FHAD1: variants seen among roughly 807,000 people sequenced by gnomAD.
The protein encoded by FHAD1 is forkhead-associated domain-containing protein 1.
A neutral mutation model predicts 191.3 loss-of-function variants in FHAD1; 146 were observed. The ratio of observed to expected loss-of-function variants is 0.76; its 90% CI spans 0.67 to 0.88. FHAD1 has a LOEUF of 0.88. Among genes scored for constraint, FHAD1 ranks in the 40% least tolerant of loss-of-function variants. The pLI, the probability that FHAD1 is intolerant of heterozygous loss-of-function variation, is 0.00. For synonymous variants in FHAD1, 616 were observed against 672.3 expected (o/e 0.92, Z 1.29); for missense variants, 1,635 against 1,785.8 (o/e 0.92, Z 1.52).
chr1:15,240,849 C>T (rs545905888), intron 1 of FHAD1, among the ~76,000 whole-genome samples: 2 of 149,944 alleles, frequency 1.3e-5, no homozygotes, highest in South Asian at 4.3e-4. Context: ...CCCAGCTACT[C>T]GGGAGGCTGA....
chr1:15,387,256 A>G (rs1702361906), intron 31 of FHAD1, among the ~76,000 whole-genome samples: 1 of 151,744 alleles, frequency 6.6e-6, no homozygotes, highest in South Asian at 2.1e-4. Flanking sequence ...ATTTCCCAAG[A>G]TTTTCTTGGG....
intron 28 of FHAD1, among the ~76,000 whole-genome samples, chr1:15,377,059 G>A (rs1034489019): frequency 6.6e-6 from 1 of 152,124 alleles, no homozygotes; most frequent in Non-Finnish European, 1.5e-5. Context: ...GCAGTTGAAG[G>A]TGCCTTTTTA....
chr1:15,393,085 T>G (rs1704650921), intron 33 of FHAD1: 1 of 151,036 alleles, frequency 6.6e-6, no homozygotes, highest in Non-Finnish European at 1.5e-5. Flanking sequence ...TTTTTTTTTT[T>G]TTTTTTTGAG....
upstream of FHAD1, among the ~76,000 whole-genome samples, chr1:15,243,095 T>C (rs1289537097): frequency 6.6e-6 from 1 of 152,046 alleles, no homozygotes; most frequent in Non-Finnish European, 1.5e-5. Context: ...CTTTGAAAAA[T>C]GATTTGCAAG....
rs1685618490 is a variant in FHAD1 at position 15,339,413 on chromosome 1, C to T, written c.1907-68C>T. On this transcript the variant is annotated intron_variant, in intron 14 of 33. Coordinates refer to ENST00000688493, the MANE Select transcript of FHAD1 (RefSeq NM_001391957.1). Reference sequence around the variant, plus strand: ...TTTGATGGGATGGCAACGTTGCTTTCATCCACCTGTCTGCAAGCTTTGGAG... The same window carrying T: ...TTTGATGGGATGGCAACGTTGCTTTTATCCACCTGTCTGCAAGCTTTGGAG... 4.1e-6 allele frequency: 3 copies of T among 736,414 alleles called. No individual in the cohort carries two copies. The South Asian group carries it at 4.9e-5, about 12-fold the overall frequency. The allele number at this position is 736,414 out of a possible 1,614,324, so 45.6% of individuals were successfully genotyped here. A position where few individuals can be genotyped will look rare whatever the true frequency, so the allele number is the denominator to read the frequency against.
At chr1:15,383,164 A>G (rs1461244212) in intron 31 of FHAD1, 8 of 471,528 alleles carry the variant, frequency 1.7e-5, no homozygotes, top group Admixed American at 1.6e-4. Flanking sequence ...AGTAGATGGG[A>G]GCTTCCAGCC....
At position 15,374,871 on chromosome 1, in the gene FHAD1, T is replaced by G. The variant is rs555667715; in HGVS notation, c.3577+240T>G. ...ACGTTTTTTTTTTTGTTTGTTTTTT[T>G]TTTTTGAGACAGAGTCTCGCTCTGT... On this transcript the variant is annotated intron_variant, in intron 27 of 33. Coordinates refer to ENST00000688493, the MANE Select transcript of FHAD1 (RefSeq NM_001391957.1). Among the ~76,000 whole-genome samples the G allele has an allele frequency of 2.5e-3, 374 of 150,492 alleles. 11 individuals are homozygous for G. Among genetic ancestry groups the G allele is most frequent in the Admixed American group, 0.013 (197 of 15,164 alleles).
At chr1:15,255,500 C>T (rs1179714002) in intron 2 of FHAD1, among the ~76,000 whole-genome samples, 1 of 152,026 alleles carries the variant, frequency 6.6e-6, no homozygotes, top group Non-Finnish European at 1.5e-5. Context: ...CAATAGAAAG[C>T]CTGTTTTAGC....
At chr1:15,361,815 G>T (rs1263802087) in intron 22 of FHAD1, among the ~76,000 whole-genome samples, 1 of 151,946 alleles carries the variant, frequency 6.6e-6, no homozygotes, top group Non-Finnish European at 1.5e-5. Context: ...GACCATCCTG[G>T]CCAACATGGT....
chr1:15,282,499 C>T (rs1328717302), intron 3 of FHAD1, among the ~76,000 whole-genome samples: 2 of 152,090 alleles, frequency 1.3e-5, no homozygotes, highest in East Asian at 1.9e-4. Flanking sequence ...TGTTTCCAAC[C>T]GGAATACTGG....
intron 20 of FHAD1, among the ~76,000 whole-genome samples, chr1:15,357,588 G>A (rs149236449): frequency 0.011 from 1,524 of 143,552 alleles, 21 homozygotes; most frequent in African/African-American, 0.031. Flanking sequence ...GCACCGTTGC[G>A]CTCCAGCCCA....
intron 28 of FHAD1, among the ~76,000 whole-genome samples, chr1:15,376,721 A>G (rs1036326023): frequency 6.6e-6 from 1 of 152,152 alleles, no homozygotes; most frequent in Non-Finnish European, 1.5e-5. Flanking sequence ...AACTTAATAA[A>G]TGATAGATGT....
At chr1:15,238,675 C>A (rs981306027) in intron 1 of FHAD1, among the ~76,000 whole-genome samples, 1 of 152,224 alleles carries the variant, frequency 6.6e-6, no homozygotes, top group Non-Finnish European at 1.5e-5. Flanking sequence ...GCCCCTGTGC[C>A]TCCTTCCCCA....
rs78854536 is a variant in FHAD1, at chr1:15,313,535, G to A, written c.1170+348G>A. Among the ~76,000 whole-genome samples, 511 of 152,294 alleles carry A rather than the reference G, an allele frequency of 3.4e-3. 5 individuals carry two copies. The highest frequency in any genetic ancestry group is 0.03 in the East Asian group (153 of 5,176). On this transcript the variant is annotated intron_variant, in intron 8 of 33. Transcript: ENST00000688493. ...ATTCCAGCAGTAAATGCACCTCTCAGCTTGGCTATTTCCATGGCAAGGCTT... is the reference window on the plus strand; with the variant it reads ...ATTCCAGCAGTAAATGCACCTCTCAACTTGGCTATTTCCATGGCAAGGCTT...
chr1:15,353,548 C>T lies in FHAD1; in HGVS notation c.2562+564C>T, dbSNP rs140957776. Among the ~76,000 whole-genome samples, 177 of 151,480 alleles carry T rather than the reference C, an allele frequency of 1.2e-3. 1 individual carries two copies. Among genetic ancestry groups the T allele is most frequent in the African/African-American group, 4.0e-3 (166 of 41,332 alleles). The stretch of plus-strand genomic sequence containing the variant: ...GGTGAAACCCCATCTCTACTAAAAA[C>T]GCAAAAATTAGCTGGGCGTGGTGGC... On this transcript the variant is annotated intron_variant, in intron 20 of 33. Transcript: ENST00000688493.
intron 25 of FHAD1, among the ~76,000 whole-genome samples, chr1:15,368,675 C>A (rs769983148): frequency 1.2e-4 from 19 of 152,242 alleles, no homozygotes; most frequent in Non-Finnish European, 1.5e-4. Flanking sequence ...CCCAGTGGCT[C>A]ACGCCTGTAA....
chr1:15,287,040 A>C (rs998152358), intron 3 of FHAD1: 1 of 152,318 alleles, frequency 6.6e-6, no homozygotes, highest in South Asian at 2.1e-4. Flanking sequence ...GGAAAAGGTC[A>C]TGGGAATGAG....
intron 33 of FHAD1, 95 bp from the exon 34 acceptor site, chr1:15,397,202 A>C (rs1706307702): frequency 8.6e-6 from 5 of 581,142 alleles, no homozygotes; most frequent in Non-Finnish European, 1.4e-5. Flanking sequence ...AAAAAAAAAA[A>C]TTAAATAAAA....
intron 16 of FHAD1, among the ~76,000 whole-genome samples, chr1:15,343,581 G>T (rs1039268066): frequency 6.6e-6 from 1 of 151,896 alleles, no homozygotes; most frequent in African/African-American, 2.4e-5. Context: ...TCTTCTCTTT[G>T]CCTCTTTCTC....
Sources: gnomAD v4.1 joint callset for allele counts (sites outside exome capture counted in the v4.1 genomes callset) on GRCh38, gnomAD v4.1.1 for gene constraint, MANE v1.5 for transcripts, NCBI Gene and HGNC (gene_info 2026-07-23, HGNC 2026-07-21) for gene names.